The following PCDHGA4 variants were observed in gnomAD, a reference collection of about 807,000 sequenced individuals.
PCDHGA4 encodes the protein protocadherin gamma subfamily A, 4, also known as protocadherin gamma-A4.
A neutral mutation model predicts 54.6 loss-of-function variants in PCDHGA4; 38 were observed. The observed-to-expected ratio is 0.70, with a 90% CI of 0.54 to 0.91. The LOEUF (loss-of-function observed/expected upper bound fraction) is 0.91. Among genes scored for constraint, PCDHGA4 ranks in the 40% least tolerant of loss-of-function variants. The probability of loss-of-function intolerance (pLI) is 0.00; values close to 1 mark genes in which losing one functional copy is unlikely to be tolerated. For synonymous variants in PCDHGA4, 511 were observed against 512.9 expected, an observed-to-expected ratio of 1.00 and a Z score of 0.05; for missense variants, 1,298 against 1,220.9, an observed-to-expected ratio of 1.06 and a Z score of -0.94.
At chr5:141,371,051 G>T in intron 1 of PCDHGA4, 1 of 1,613,960 alleles carries the variant, frequency 6.2e-7, no homozygotes, top group Non-Finnish European at 8.5e-7. Flanking sequence ...ATGGGGGCGA[G>T]CCCTCCAGAA....
chr5:141,485,134 C>G lies in PCDHGA4; in HGVS notation c.2515-9673C>G, dbSNP rs967744072. 1.3e-6 allele frequency: 2 copies of G among 1,495,962 alleles called. No individual in the cohort carries two copies. Among genetic ancestry groups the G allele is most frequent in the South Asian group, 2.4e-5 (2 of 84,482 alleles). 92.7% of individuals were successfully genotyped at this position (1,495,962 alleles called of 1,614,324 possible). ...CTGTTTGGGGCGGGTCGGCTTCATC[C>G]GCGTCTCAGGAGCAAGTAGAGAATT... On this transcript the variant is annotated intron_variant, in intron 1 of 3. Transcript: ENST00000571252. The surrounding 1 kb of genome is among the most constrained non-coding windows in gnomAD (Gnocchi z 5.7).
intron 1 of PCDHGA4, chr5:141,433,257 G>T: frequency 7.2e-7 from 1 of 1,385,416 alleles, no homozygotes; most frequent in Non-Finnish European, 9.9e-7. Context: ...GCAGCGGTAC[G>T]ATCATAGCTC....
intron 1 of PCDHGA4, chr5:141,387,968 G>C (rs1169859236): frequency 6.7e-7 from 1 of 1,489,402 alleles, no homozygotes; most frequent in Non-Finnish European, 9.0e-7. Context: ...TCTGCCCGGC[G>C]CTCTGTGAGC....
chr5:141,421,307 T>C, intron 1 of PCDHGA4: 10 of 1,613,674 alleles, frequency 6.2e-6, no homozygotes, highest in Non-Finnish European at 8.5e-6. Context: ...CTGCGGGGGT[T>C]CCGGGCCAGG....
At chr5:141,478,169 G>T in intron 1 of PCDHGA4, 1 of 1,613,834 alleles carries the variant, frequency 6.2e-7, no homozygotes, top group Non-Finnish European at 8.5e-7. Flanking sequence ...TGCCCCCCGG[G>T]AGCAGAAAAA....
chr5:141,511,381 G>A lies in PCDHGA4; in HGVS notation c.*208G>A, dbSNP rs545793377. 97 of 1,170,372 alleles carry A rather than the reference G, an allele frequency of 8.3e-5. No homozygotes were observed. In the East Asian group the frequency reaches 9.2e-4, roughly 11 times the overall value. 72.5% of individuals were successfully genotyped at this position (1,170,372 alleles called of 1,614,324 possible). On this transcript the variant is annotated 3_prime_UTR_variant, in exon 4 of 4. Transcript: ENST00000571252. ...GGGTTGAATATGCAAAAGCAGTTCC[G>A]CTGGGAACCCCCATCCAATCAACTG...
intron 1 of PCDHGA4, among the ~76,000 whole-genome samples, chr5:141,382,312 C>A (rs1778099412): frequency 6.6e-6 from 1 of 152,130 alleles, no homozygotes; most frequent in Admixed American, 6.5e-5. Flanking sequence ...TTTATATACA[C>A]TGATGTAAAT....
chr5:141,384,247 C>T (rs1779885951), intron 1 of PCDHGA4: 1 of 1,613,912 alleles, frequency 6.2e-7, no homozygotes, highest in Non-Finnish European at 8.5e-7. Flanking sequence ...CGATAACCCA[C>T]CCACCTTCCC....
chr5:141,390,874 G>C (rs2092257325), intron 1 of PCDHGA4: 1 of 153,302 alleles, frequency 6.5e-6, no homozygotes, highest in Non-Finnish European at 1.4e-5. Context: ...GTGCGTGTGT[G>C]TGTGTGTGTG....
intron 1 of PCDHGA4, chr5:141,366,586 C>G (rs1373110985): frequency 6.2e-7 from 1 of 1,614,262 alleles, no homozygotes; most frequent in Non-Finnish European, 8.5e-7. Flanking sequence ...TCCTGCAGAC[C>G]TATTCCCACG....
At chr5:141,478,936 G>A in intron 1 of PCDHGA4, 1 of 633,220 alleles carries the variant, frequency 1.6e-6, no homozygotes, top group African/African-American at 1.9e-5. Context: ...GCAGCTTCTA[G>A]GAATACAAAA....
chr5:141,454,563 C>T (rs1056296059), intron 1 of PCDHGA4, among the ~76,000 whole-genome samples: 46 of 151,960 alleles, frequency 3.0e-4, no homozygotes, highest in Non-Finnish European at 4.9e-4. Context: ...TGTGCCACCA[C>T]GCCCGGCTAA....
At chr5:141,456,214 G>C (rs552287407) in intron 1 of PCDHGA4, among the ~76,000 whole-genome samples, 8 of 152,136 alleles carry the variant, frequency 5.3e-5, no homozygotes, top group Non-Finnish European at 7.4e-5. Context: ...CCTCCCTGTG[G>C]CGATATCAAA....
chr5:141,402,816 C>T, intron 1 of PCDHGA4: 1 of 1,261,762 alleles, frequency 7.9e-7, no homozygotes, highest in South Asian at 1.7e-5. Flanking sequence ...ATACCACAAA[C>T]CTGCTCCCAG....
At chr5:141,419,658 A>T in intron 1 of PCDHGA4, 2 of 1,612,782 alleles carry the variant, frequency 1.2e-6, no homozygotes, top group Non-Finnish European at 1.7e-6. Flanking sequence ...GACTCGGGGC[A>T]CAATGCCTGG....
chr5:141,418,988 G>A, intron 1 of PCDHGA4: 1 of 1,613,946 alleles, frequency 6.2e-7, no homozygotes, highest in Non-Finnish European at 8.5e-7. Context: ...CCAAGACTCA[G>A]GGGAAAATGG....
chr5:141,427,871 G>A (rs762885351), intron 1 of PCDHGA4: 1 of 1,559,530 alleles, frequency 6.4e-7, no homozygotes, highest in South Asian at 1.1e-5. Flanking sequence ...TCGAGCTCAC[G>A]ATGCAGGCCC....
intron 1 of PCDHGA4, among the ~76,000 whole-genome samples, chr5:141,380,336 G>T (rs1221282125): frequency 1.3e-5 from 2 of 152,060 alleles, no homozygotes; most frequent in Non-Finnish European, 2.9e-5. Flanking sequence ...GAACTTCAAA[G>T]AACTGTTTTG....
chr5:141,423,751 G>GT, intron 1 of PCDHGA4: 12 of 349,026 alleles, frequency 3.4e-5, no homozygotes, highest in Non-Finnish European at 4.3e-5. Context: ...AAAACTGTTT[G>GT]GGGGGGGGGT....
Sources: gnomAD v4.1 joint callset for allele counts (sites outside exome capture counted in the v4.1 genomes callset) on GRCh38, gnomAD v4.1.1 for gene constraint, Gnocchi (gnomAD v3.1) non-coding constraint, MANE v1.5 for transcripts, NCBI Gene and HGNC (gene_info 2026-07-23, HGNC 2026-07-21) for gene names.